The following PRKG1 variants were observed in gnomAD, a reference collection of about 807,000 sequenced individuals.
The protein encoded by PRKG1 is protein kinase cGMP-dependent 1, also known as cGMP-dependent protein kinase 1.
In PRKG1, 35 loss-of-function variants were observed where a neutral mutation model predicts 88.1. The ratio of observed to expected loss-of-function variants is 0.40; its 90% CI spans 0.30 to 0.53. The LOEUF (loss-of-function observed/expected upper bound fraction) is 0.53. Ranked by LOEUF, PRKG1 falls within the 20% of genes least tolerant of loss-of-function variation. The pLI, the probability that PRKG1 is intolerant of heterozygous loss-of-function variation, is 0.59. For missense variants in PRKG1, 540 were observed against 839.8 expected, an observed-to-expected ratio of 0.64 and a Z score of 4.41; for synonymous variants, 303 against 292.5, an observed-to-expected ratio of 1.04 and a Z score of -0.37.
chr10:52,249,385 C>A (rs530682189), intron 9 of PRKG1, among the ~76,000 whole-genome samples: 83 of 151,882 alleles, frequency 5.5e-4, no homozygotes, highest in Admixed American at 9.8e-4. Flanking sequence ...ATCAAAATCA[C>A]CTGGGAGCTT....
At chr10:52,280,034 T>C (rs1248390139) in intron 12 of PRKG1, among the ~76,000 whole-genome samples, 2 of 152,102 alleles carry the variant, frequency 1.3e-5, no homozygotes, top group Non-Finnish European at 2.9e-5. Flanking sequence ...TATATGCCCA[T>C]ATATCATATA....
rs940375209 is a variant in PRKG1, at chr10:52,136,307, A to G, written c.1001+2402A>G. Among the ~76,000 whole-genome samples, 3 of 152,196 alleles carry G rather than the reference A, an allele frequency of 2.0e-5. No homozygotes were observed. The South Asian group carries it at 6.2e-4, about 32-fold the overall frequency. ...GGAAAGGTTCTTGGAGAGCACATATATATGTATTTTTGATTTTCTGAAAAG... is the reference window on the plus strand; with the variant it reads ...GGAAAGGTTCTTGGAGAGCACATATGTATGTATTTTTGATTTTCTGAAAAG... On this transcript the variant is annotated intron_variant, in intron 8 of 17. Coordinates refer to ENST00000373980, the MANE Select transcript of PRKG1 (RefSeq NM_006258.4).
At chr10:51,903,621 C>G (rs1219939106) in intron 4 of PRKG1, among the ~76,000 whole-genome samples, 1 of 150,818 alleles carries the variant, frequency 6.6e-6, no homozygotes, top group Non-Finnish European at 1.5e-5. Context: ...TTTATTATTC[C>G]AGACTTTCAA....
At chr10:51,277,552 C>T (rs561570022) in intron 2 of PRKG1, among the ~76,000 whole-genome samples, 73 of 152,248 alleles carry the variant, frequency 4.8e-4, no homozygotes, top group African/African-American at 1.2e-3. Context: ...TTACCTTGGA[C>T]GGTATGGCCA....
chr10:51,642,151 G>A (rs1589154549), intron 3 of PRKG1, among the ~76,000 whole-genome samples: 2 of 152,232 alleles, frequency 1.3e-5, no homozygotes, highest in South Asian at 4.2e-4. Context: ...CAGCACTTTG[G>A]GAGGCCAAGG....
intron 3 of PRKG1, among the ~76,000 whole-genome samples, chr10:51,479,106 T>G (rs2132842203): frequency 6.6e-6 from 1 of 152,124 alleles, no homozygotes; most frequent in African/African-American, 2.4e-5. Flanking sequence ...ATCTCCTACC[T>G]GTGCTTTCTT....
chr10:51,708,301 C>T (rs1224046234), intron 3 of PRKG1, among the ~76,000 whole-genome samples: 5 of 152,098 alleles, frequency 3.3e-5, no homozygotes, highest in African/African-American at 9.7e-5. Flanking sequence ...GGGGTCCACA[C>T]GTATGACCTC....
At chr10:51,919,182 A>G (rs1317841433) in intron 5 of PRKG1, among the ~76,000 whole-genome samples, 2 of 152,328 alleles carry the variant, frequency 1.3e-5, no homozygotes, top group African/African-American at 4.8e-5. Context: ...GGAATCATGC[A>G]GTTCCTTAGG....
At chr10:52,208,900 A>G (rs1259467727) in intron 9 of PRKG1, among the ~76,000 whole-genome samples, 1 of 152,236 alleles carries the variant, frequency 6.6e-6, no homozygotes, top group Non-Finnish European at 1.5e-5. Flanking sequence ...TTACTGGCCT[A>G]CTTCAAAACA....
chr10:51,805,920 C>A (rs909007936), intron 4 of PRKG1, among the ~76,000 whole-genome samples: 14 of 151,974 alleles, frequency 9.2e-5, no homozygotes, highest in Admixed American at 9.2e-4. Context: ...TGAAGAAACA[C>A]TTAGAAGAGG....
chr10:52,244,669 A>G (rs570169532), intron 9 of PRKG1, among the ~76,000 whole-genome samples: 12 of 130,806 alleles, frequency 9.2e-5, no homozygotes, highest in African/African-American at 3.2e-4. Context: ...TAAATAAAAT[A>G]TTTATTATTA....
intron 1 of PRKG1, among the ~76,000 whole-genome samples, chr10:51,003,092 A>G (rs890173537): frequency 6.6e-6 from 1 of 152,162 alleles, no homozygotes; most frequent in South Asian, 2.1e-4. Flanking sequence ...ACAATGTTAC[A>G]CTGTCTATGA....
intron 3 of PRKG1, among the ~76,000 whole-genome samples, chr10:51,761,062 C>A (rs955640876): frequency 6.6e-6 from 1 of 152,130 alleles, no homozygotes; most frequent in South Asian, 2.1e-4. Flanking sequence ...GGCAGTGAGC[C>A]AAGTTCATGC....
intron 4 of PRKG1, among the ~76,000 whole-genome samples, chr10:51,889,930 T>C (rs1251820241): frequency 6.6e-6 from 1 of 152,236 alleles, no homozygotes; most frequent in African/African-American, 2.4e-5. Context: ...GTAAGTTTGT[T>C]TGAGTTCTTT....
At chr10:52,048,759 G>A (rs1871079) in intron 5 of PRKG1, among the ~76,000 whole-genome samples, 24,326 of 151,916 alleles carry the variant, frequency 0.16, 2,027 homozygotes, top group East Asian at 0.29. Flanking sequence ...ATTGTCTTTG[G>A]GGAAATGTAT....
chr10:51,987,314 G>A (rs1375800338), intron 5 of PRKG1, among the ~76,000 whole-genome samples: 1 of 151,748 alleles, frequency 6.6e-6, no homozygotes, highest in Non-Finnish European at 1.5e-5. Flanking sequence ...AAAAAAATTC[G>A]AGGGTTATGT....
chr10:51,365,656 T>C (rs1842573047), intron 2 of PRKG1, among the ~76,000 whole-genome samples: 1 of 151,926 alleles, frequency 6.6e-6, no homozygotes, highest in Non-Finnish European at 1.5e-5. Flanking sequence ...AAATGCAGAA[T>C]CTCAGCCCAA....
chr10:51,160,989 A>G (rs1175708626), intron 2 of PRKG1, among the ~76,000 whole-genome samples: 1 of 152,138 alleles, frequency 6.6e-6, no homozygotes, highest in Non-Finnish European at 1.5e-5. Context: ...TTGATAATCG[A>G]AAGAGTAATT....
chr10:51,683,754 A>G (rs1250750818), intron 3 of PRKG1, among the ~76,000 whole-genome samples: 2 of 152,160 alleles, frequency 1.3e-5, no homozygotes, highest in African/African-American at 4.8e-5. Flanking sequence ...CTGAAAACTT[A>G]GGTTCCCCCC....
Sources: gnomAD v4.1 joint callset for allele counts (sites outside exome capture counted in the v4.1 genomes callset) on GRCh38, gnomAD v4.1.1 for gene constraint, MANE v1.5 for transcripts, NCBI Gene and HGNC (gene_info 2026-07-23, HGNC 2026-07-21) for gene names.